Variants in MAP3K13 observed in about 807,000 individuals in gnomAD.
MAP3K13 encodes the protein mitogen-activated protein kinase kinase kinase 13.
A neutral mutation model predicts 104.0 loss-of-function variants in MAP3K13; 52 were observed. That is an observed-to-expected ratio of 0.50 (90% CI 0.40 to 0.63). MAP3K13 has a LOEUF of 0.63. Among genes scored for constraint, MAP3K13 ranks in the 20% least tolerant of loss-of-function variants. MAP3K13 has a pLI of 0.00. For synonymous variants in MAP3K13, 394 were observed against 442.2 expected (o/e 0.89, Z 1.37); for missense variants, 914 against 1,218.5 (o/e 0.75, Z 3.72).
At chr3:185,390,769 G>A (rs1041461186) in intron 1 of MAP3K13, among the ~76,000 whole-genome samples, 5 of 150,672 alleles carry the variant, frequency 3.3e-5, no homozygotes, top group African/African-American at 4.9e-5. Context: ...GACTACAGGC[G>A]CCCACCACCA....
intron 2 of MAP3K13, among the ~76,000 whole-genome samples, chr3:185,293,255 C>T (rs1467266795): frequency 3.9e-5 from 6 of 151,954 alleles, no homozygotes; most frequent in African/African-American, 7.3e-5. Context: ...GTAGCTGGGA[C>T]TACAGGCACT....
chr3:185,333,994 T>C (rs1722379203), intron 2 of MAP3K13, among the ~76,000 whole-genome samples: 1 of 152,032 alleles, frequency 6.6e-6, no homozygotes, highest in African/African-American at 2.4e-5. Context: ...GTGGAGGTTG[T>C]AGTGAGCTAT....
chr3:185,327,631 G>C (rs898964151), intron 2 of MAP3K13, among the ~76,000 whole-genome samples: 1 of 152,196 alleles, frequency 6.6e-6, no homozygotes, highest in Non-Finnish European at 1.5e-5. Flanking sequence ...AAATTACAAG[G>C]CTGGGCGCAG....
At chr3:185,481,141 C>T (rs1718427064) in intron 13 of MAP3K13, 1 of 153,128 alleles carries the variant, frequency 6.5e-6, no homozygotes, top group African/African-American at 2.4e-5. Flanking sequence ...AGATTTAACT[C>T]AAACATCACT....
At chr3:185,449,371 TAAAAAAAAAA>T (rs61621090) in intron 5 of MAP3K13, among the ~76,000 whole-genome samples, 3 of 80,786 alleles carry the variant, frequency 3.7e-5, no homozygotes, top group Admixed American at 1.5e-4. Flanking sequence ...AGATGCTGTC[TAAAAAAAAAA>T]AAAAAAAAAA....
chr3:185,451,763 A>G (rs962029583), intron 7 of MAP3K13, among the ~76,000 whole-genome samples: 3 of 151,556 alleles, frequency 2.0e-5, no homozygotes, highest in Non-Finnish European at 4.4e-5. Flanking sequence ...CCTACTCAGG[A>G]GGCTGAGGCA....
intron 4 of MAP3K13, among the ~76,000 whole-genome samples, chr3:185,445,068 T>C (rs2377499): frequency 0.63 from 90,477 of 144,674 alleles, 28,182 homozygotes; most frequent in Middle Eastern, 0.73. Context: ...TTTCATGGTT[T>C]ATAATATCTT....
rs1716262544 is a variant in MAP3K13 at position 185,454,747 on chromosome 3, TATATATGA to T, written c.1278+3353_1278+3360del. ...TATGATATATATGATATATATATCA[TATATATGA>T]GATATATATGACATATATATGAGAT... is the stretch of plus-strand genomic sequence containing the variant. On this transcript the variant is annotated intron_variant, in intron 7 of 13. Transcript: ENST00000265026. Among the ~76,000 whole-genome samples the T allele has an allele frequency of 1.2e-4, 2 of 17,226 alleles. 1 individual carries two copies. The highest frequency in any genetic ancestry group is 1.9e-4 in the African/African-American group (2 of 10,368). 11.3% of individuals were successfully genotyped at this position (17,226 alleles called of 152,430 possible). A position where few individuals can be genotyped will look rare whatever the true frequency, so the allele number is the denominator to read the frequency against.
At chr3:185,401,786 A>T (rs1383632417) in intron 1 of MAP3K13, among the ~76,000 whole-genome samples, 1 of 152,178 alleles carries the variant, frequency 6.6e-6, no homozygotes, top group African/African-American at 2.4e-5. Context: ...TTTTCTTGGC[A>T]TACTTCCATG....
chr3:185,324,707 G>A (rs1319755887), intron 2 of MAP3K13, among the ~76,000 whole-genome samples: 3 of 151,362 alleles, frequency 2.0e-5, no homozygotes, highest in Admixed American at 2.0e-4. Flanking sequence ...CTCCATTTGT[G>A]TAAACTTCCT....
intron 1 of MAP3K13, among the ~76,000 whole-genome samples, chr3:185,413,900 A>G (rs1251968793): frequency 2.6e-5 from 4 of 152,194 alleles, no homozygotes; most frequent in African/African-American, 4.8e-5. Context: ...GAATTCTCCA[A>G]TTATCTTTAG....
At chr3:185,390,224 T>C (rs1352988931) in intron 1 of MAP3K13, among the ~76,000 whole-genome samples, 1 of 152,216 alleles carries the variant, frequency 6.6e-6, no homozygotes, top group Non-Finnish European at 1.5e-5. Context: ...GGATTTAGTG[T>C]GTGCCAGACA....
intron 2 of MAP3K13, among the ~76,000 whole-genome samples, chr3:185,330,741 T>G (rs948052336): frequency 6.6e-6 from 1 of 152,218 alleles, no homozygotes; most frequent in Non-Finnish European, 1.5e-5. Context: ...AACAATGTTT[T>G]TAACCTCCAG....
intron 1 of MAP3K13, among the ~76,000 whole-genome samples, chr3:185,427,796 A>C (rs936798286): frequency 1.3e-5 from 2 of 152,122 alleles, no homozygotes; most frequent in Non-Finnish European, 2.9e-5. Flanking sequence ...TTAAAAAGAT[A>C]GGCCGGGCAC....
rs759336796 is a variant in MAP3K13 at position 185,443,521 on chromosome 3, C to T, written c.736C>T (p.Arg246Ter). Residue 246 changes from arginine to a stop codon, truncating the protein, a stop_gained, in exon 4 of 14, where the codon CGA (arginine) becomes TGA (stop). Transcript: ENST00000265026. LOFTEE classifies it high-confidence loss of function. ...CCATGGACAACTCTACGAGGTCTTA[C>T]GAGCTGGCAGGAAGATCACACCTCG... ...CAHGQLYEVL[R>*]AGRKITPRLL... The T allele has an allele frequency of 2.5e-6, 4 of 1,613,980 alleles. No homozygotes were observed. The highest frequency in any genetic ancestry group is 1.3e-5 in the African/African-American group (1 of 74,910).
chr3:185,332,698 C>T (rs1560051660), intron 2 of MAP3K13, among the ~76,000 whole-genome samples: 2 of 152,168 alleles, frequency 1.3e-5, no homozygotes, highest in African/African-American at 2.4e-5. Flanking sequence ...AAGGCTTATC[C>T]GTGATGTAGT....
chr3:185,388,124 CA>C (rs561501305), intron 1 of MAP3K13, among the ~76,000 whole-genome samples: 444 of 136,786 alleles, frequency 3.2e-3, no homozygotes, highest in African/African-American at 4.2e-3. Flanking sequence ...CAATTGCTAC[CA>C]AAAAAAAAAA....
At chr3:185,386,767 G>A (rs1711722049) in intron 1 of MAP3K13, among the ~76,000 whole-genome samples, 1 of 152,200 alleles carries the variant, frequency 6.6e-6, no homozygotes, top group African/African-American at 2.4e-5. Flanking sequence ...GGATGGAGCT[G>A]GAGGCCATTA....
chr3:185,287,431 C>A (rs190465897), intron 2 of MAP3K13, among the ~76,000 whole-genome samples: 297 of 152,248 alleles, frequency 2.0e-3, no homozygotes, highest in African/African-American at 6.9e-3. Context: ...ATATAATTGG[C>A]AATCTCATTT....
Sources: gnomAD v4.1 joint callset for allele counts (sites outside exome capture counted in the v4.1 genomes callset) on GRCh38, gnomAD v4.1.1 for gene constraint, MANE v1.5 for transcripts, NCBI Gene and HGNC (gene_info 2026-07-23, HGNC 2026-07-21) for gene names.